The following KIAA1328 variants were observed in gnomAD, a reference collection of about 807,000 sequenced individuals.
KIAA1328 encodes KIAA1328.
A neutral mutation model predicts 68.1 loss-of-function variants in KIAA1328; 52 were observed. That is an observed-to-expected ratio of 0.76 (90% CI 0.61 to 0.96). The LOEUF (loss-of-function observed/expected upper bound fraction) is 0.96, where lower values mean the gene tolerates loss of function less well. Ranked by LOEUF, KIAA1328 falls within the 40% of genes least tolerant of loss-of-function variation. The pLI is 0.00. For synonymous variants in KIAA1328, 232 were observed against 239.4 expected (o/e 0.97, Z 0.28); for missense variants, 641 against 677.6 (o/e 0.95, Z 0.60).
intron 4 of KIAA1328, among the ~76,000 whole-genome samples, chr18:36,872,563 A>T (rs2047983458): frequency 6.6e-6 from 1 of 152,156 alleles, no homozygotes; most frequent in Non-Finnish European, 1.5e-5. Flanking sequence ...AACCAGCCTA[A>T]CATTTGTTAA....
chr18:36,843,742 T>C (rs1422828963), intron 3 of KIAA1328, among the ~76,000 whole-genome samples: 1 of 152,196 alleles, frequency 6.6e-6, no homozygotes, highest in Non-Finnish European at 1.5e-5. Context: ...GCACTAGATG[T>C]AATTGTTAGC....
intron 6 of KIAA1328, among the ~76,000 whole-genome samples, chr18:37,035,574 C>G (rs1476973222): frequency 6.6e-6 from 1 of 152,082 alleles, no homozygotes. Flanking sequence ...AAGAAATGAC[C>G]AGTGTGCTTA....
At chr18:36,986,542 C>T (rs2052934334) in intron 6 of KIAA1328, among the ~76,000 whole-genome samples, 1 of 111,156 alleles carries the variant, frequency 9.0e-6, no homozygotes, top group African/African-American at 3.4e-5. Flanking sequence ...TCAGAGTGAA[C>T]AGGCAACCTA....
chr18:36,927,134 A>G (rs758760439), intron 5 of KIAA1328, among the ~76,000 whole-genome samples: 1 of 152,220 alleles, frequency 6.6e-6, no homozygotes, highest in Non-Finnish European at 1.5e-5. Flanking sequence ...TCACATTTTA[A>G]CATGAGATTT....
At position 36,834,333 on chromosome 18, in the gene KIAA1328, A is replaced by C. The variant is rs546279971; in HGVS notation, c.72A>C (p.Glu24Asp). The change falls in exon 2 of 10, where the codon GAA becomes GAC. Residue 24 changes from glutamate (E) to aspartate (D), a missense_variant. Transcript: ENST00000280020. ...AFWSRDFSDE[E>D]QSVVYVPGIS... ...TCTCCTGCGTAGTTTCTGATGAAGA[A>C]CAATCAGTAGTATACGTTCCAGGTA... is the stretch of plus-strand genomic sequence containing the variant. 2.5e-6 allele frequency: 4 copies of C among 1,587,520 alleles called. No homozygotes were observed. In the East Asian group the frequency reaches 9.0e-5, roughly 36 times the overall value.
intron 6 of KIAA1328, among the ~76,000 whole-genome samples, chr18:36,978,399 A>G (rs1011818409): frequency 3.9e-5 from 6 of 152,206 alleles, no homozygotes; most frequent in Non-Finnish European, 7.3e-5. Context: ...TAAGATATGA[A>G]TATCAGTTAC....
At chr18:36,939,949 A>G (rs1309197309) in intron 5 of KIAA1328, among the ~76,000 whole-genome samples, 1 of 152,196 alleles carries the variant, frequency 6.6e-6, no homozygotes, top group Non-Finnish European at 1.5e-5. Context: ...AGGAATTAAC[A>G]TTTAGACATA....
At chr18:36,989,659 T>A (rs995462113) in intron 6 of KIAA1328, among the ~76,000 whole-genome samples, 2 of 152,200 alleles carry the variant, frequency 1.3e-5, no homozygotes, top group Admixed American at 6.5e-5. Flanking sequence ...TATATTTTTT[T>A]AAGATGATCT....
At chr18:36,985,873 C>T (rs142955443) in intron 6 of KIAA1328, among the ~76,000 whole-genome samples, 1 of 152,142 alleles carries the variant, frequency 6.6e-6, no homozygotes, top group African/African-American at 2.4e-5. Context: ...AAAAGTTGCT[C>T]AACATTAGTT....
At chr18:37,115,493 T>C (rs999093604) in intron 7 of KIAA1328, among the ~76,000 whole-genome samples, 19 of 152,146 alleles carry the variant, frequency 1.2e-4, no homozygotes, top group Non-Finnish European at 2.6e-4. Flanking sequence ...CTCAATAAGC[T>C]AGGTATTGAT....
At chr18:37,108,382 G>A (rs1050048435) in intron 7 of KIAA1328, among the ~76,000 whole-genome samples, 1 of 151,852 alleles carries the variant, frequency 6.6e-6, no homozygotes, top group African/African-American at 2.4e-5. Context: ...GGAGGGGGCG[G>A]GTAGTTAAAA....
intron 5 of KIAA1328, among the ~76,000 whole-genome samples, chr18:36,939,324 C>T (rs2050621091): frequency 1.3e-5 from 2 of 151,864 alleles, no homozygotes; most frequent in Non-Finnish European, 2.9e-5. Context: ...AAATTTATTC[C>T]TAAGTATTTT....
At chr18:37,024,064 C>T (rs564445790) in intron 6 of KIAA1328, among the ~76,000 whole-genome samples, 2 of 152,214 alleles carry the variant, frequency 1.3e-5, no homozygotes, top group African/African-American at 2.4e-5. Context: ...TGCATGAACA[C>T]GGCTTACTGT....
intron 9 of KIAA1328, among the ~76,000 whole-genome samples, chr18:37,212,031 ATT>A (rs2060327220): frequency 6.6e-6 from 1 of 152,054 alleles, no homozygotes; most frequent in African/African-American, 2.4e-5. Context: ...TAGATTTTCC[ATT>A]GTTTGATTTT....
At chr18:36,995,886 G>A (rs889510740) in intron 6 of KIAA1328, among the ~76,000 whole-genome samples, 5 of 152,168 alleles carry the variant, frequency 3.3e-5, no homozygotes, top group Admixed American at 6.5e-5. Flanking sequence ...TCAAAGTAAA[G>A]TGTACAGCTT....
At chr18:37,069,483 C>CT (rs754585158) in intron 7 of KIAA1328, among the ~76,000 whole-genome samples, 6 of 151,802 alleles carry the variant, frequency 4.0e-5, no homozygotes, top group Non-Finnish European at 8.8e-5. Flanking sequence ...TCTTTTTTCC[C>CT]CTGTGTCCTT....
chr18:37,220,252 T>C lies in KIAA1328; in HGVS notation c.1524-1765T>C, dbSNP rs2154225426. Among the ~76,000 whole-genome samples, 3 of 152,378 alleles carry C rather than the reference T, an allele frequency of 2.0e-5. No homozygotes were observed. The South Asian group carries it at 6.2e-4, about 32-fold the overall frequency. On this transcript the variant is annotated intron_variant, in intron 9 of 9. Transcript: ENST00000280020. ...TTTTAATGTTTTCTCTAGCATGTTC[T>C]GTAACATATAAAGATCATATAAGAA...
At chr18:37,079,693 G>T (rs1312912048) in intron 7 of KIAA1328, among the ~76,000 whole-genome samples, 2 of 151,798 alleles carry the variant, frequency 1.3e-5, no homozygotes, top group East Asian at 1.9e-4. Context: ...TTTGAGACCA[G>T]CCTGGCCAAC....
At chr18:37,094,208 G>C (rs1240214176) in intron 7 of KIAA1328, among the ~76,000 whole-genome samples, 1 of 152,170 alleles carries the variant, frequency 6.6e-6, no homozygotes, top group African/African-American at 2.4e-5. Flanking sequence ...CAGAGCTCAG[G>C]CAGTAATGCT....
Sources: gnomAD v4.1 joint callset for allele counts (sites outside exome capture counted in the v4.1 genomes callset) on GRCh38, gnomAD v4.1.1 for gene constraint, MANE v1.5 for transcripts, NCBI Gene and HGNC (gene_info 2026-07-23, HGNC 2026-07-21) for gene names.